RBFOX3: variants seen among roughly 807,000 people sequenced by gnomAD.
The protein encoded by RBFOX3 is RNA binding fox-1 homolog 3, also known as RNA binding protein fox-1 homolog 3.
A neutral mutation model predicts 48.7 loss-of-function variants in RBFOX3; 17 were observed. The ratio of observed to expected loss-of-function variants is 0.35; its 90% CI spans 0.24 to 0.52. RBFOX3 has a LOEUF of 0.52. RBFOX3 is among the 20% of genes least tolerant of loss of function. RBFOX3 has a pLI of 0.94. For missense variants in RBFOX3, 382 were observed against 497.5 expected, an observed-to-expected ratio of 0.77 and a Z score of 2.21; for synonymous variants, 212 against 209.5, an observed-to-expected ratio of 1.01 and a Z score of -0.10.
At position 79,486,319 on chromosome 17, in the gene RBFOX3, G is replaced by C. The variant is rs112428607; in HGVS notation, c.-319-3721C>G. ...GGGACAAAAGGGTCCAGTCTGTCTC[G>C]GGAGTGAGCTGTGTCCTCCTCATTC... On this transcript the variant is annotated intron_variant, in intron 1 of 14. Coordinates refer to ENST00000693108, the MANE Select transcript of RBFOX3 (RefSeq NM_001350451.2). Among the ~76,000 whole-genome samples the C allele has an allele frequency of 6.8e-3, 1,035 of 152,274 alleles. 5 individuals are homozygous for C. Among genetic ancestry groups the C allele is most frequent in the African/African-American group, 0.024 (981 of 41,552 alleles).
At chr17:79,382,028 G>A (rs958454615) in intron 2 of RBFOX3, among the ~76,000 whole-genome samples, 1 of 152,194 alleles carries the variant, frequency 6.6e-6, no homozygotes, top group African/African-American at 2.4e-5. Flanking sequence ...CGCCAACAGA[G>A]CCCCCCAGGG....
chr17:79,579,678 A>G (rs2092982581), intron 1 of RBFOX3, among the ~76,000 whole-genome samples: 1 of 151,520 alleles, frequency 6.6e-6, no homozygotes, highest in Non-Finnish European at 1.5e-5. Flanking sequence ...ATCCACTGAG[A>G]CTCGGCACCA....
chr17:79,136,488 G>A (rs958581688), intron 4 of RBFOX3: 1 of 152,660 alleles, frequency 6.6e-6, no homozygotes, highest in Non-Finnish European at 1.5e-5. Context: ...ACCCCCCACC[G>A]GCCCCAGGCT....
At chr17:79,592,118 G>A (rs1437952230) in intron 1 of RBFOX3, among the ~76,000 whole-genome samples, 1 of 151,378 alleles carries the variant, frequency 6.6e-6, no homozygotes, top group African/African-American at 2.4e-5. Context: ...TGTAGTGTGT[G>A]TGGAATGTGA....
chr17:79,441,476 G>C (rs546273499), intron 2 of RBFOX3, among the ~76,000 whole-genome samples: 3 of 152,204 alleles, frequency 2.0e-5, no homozygotes, highest in Admixed American at 6.5e-5. Flanking sequence ...AGGTGGCCAC[G>C]TGAAGACAGA....
chr17:79,161,978 T>G (rs1020194893), intron 4 of RBFOX3, among the ~76,000 whole-genome samples: 1 of 152,116 alleles, frequency 6.6e-6, no homozygotes, highest in Non-Finnish European at 1.5e-5. Flanking sequence ...AGCGGGACTT[T>G]TGGGGGACAG....
intron 2 of RBFOX3, among the ~76,000 whole-genome samples, chr17:79,373,927 C>T (rs939167381): frequency 1.3e-5 from 2 of 152,130 alleles, no homozygotes; most frequent in South Asian, 2.1e-4. Flanking sequence ...GGCGCGATCT[C>T]GGCTCACTGC....
intron 4 of RBFOX3, among the ~76,000 whole-genome samples, chr17:79,217,834 G>C (rs1304183285): frequency 6.6e-6 from 1 of 152,162 alleles, no homozygotes. Context: ...CAGATGTTCA[G>C]ATTAACCTTG....
chr17:79,348,381 T>C (rs1270511457), intron 2 of RBFOX3, among the ~76,000 whole-genome samples: 1 of 152,050 alleles, frequency 6.6e-6, no homozygotes, highest in Non-Finnish European at 1.5e-5. Flanking sequence ...TATTCTCCCA[T>C]AGCTGTGTTT....
At chr17:79,463,431 CCGCCAT>C (rs1198967902) in intron 2 of RBFOX3, among the ~76,000 whole-genome samples, 1 of 142,852 alleles carries the variant, frequency 7.0e-6, no homozygotes, top group African/African-American at 2.6e-5. Flanking sequence ...GCCACTGCCA[CCGCCAT>C]CGCCACTGCC....
chr17:79,304,939 T>A (rs1290857037), intron 3 of RBFOX3, among the ~76,000 whole-genome samples: 1 of 152,078 alleles, frequency 6.6e-6, no homozygotes, highest in African/African-American at 2.4e-5. Flanking sequence ...CTCCTTCACT[T>A]GGCCCCTCCC....
intron 4 of RBFOX3, among the ~76,000 whole-genome samples, chr17:79,151,176 G>A (rs561879965): frequency 1.3e-5 from 2 of 152,080 alleles, no homozygotes; most frequent in Admixed American, 1.3e-4. Flanking sequence ...CAACAAAGCC[G>A]GCATCAGACC....
chr17:79,194,785 G>A (rs1047100842), intron 4 of RBFOX3, among the ~76,000 whole-genome samples: 6 of 134,556 alleles, frequency 4.5e-5, no homozygotes, highest in Admixed American at 2.2e-4. Flanking sequence ...TGTGTGAAAT[G>A]CACATGGGAT....
intron 1 of RBFOX3, among the ~76,000 whole-genome samples, chr17:79,483,573 C>T (rs1317406425): frequency 6.7e-6 from 1 of 148,346 alleles, no homozygotes; most frequent in African/African-American, 2.5e-5. Flanking sequence ...TTTCCTTCTC[C>T]TTTTCCCCAC....
chr17:79,486,629 GA>G (rs1248919301), intron 1 of RBFOX3, among the ~76,000 whole-genome samples: 1 of 152,114 alleles, frequency 6.6e-6, no homozygotes, highest in Non-Finnish European at 1.5e-5. Flanking sequence ...TTGCTTTAAT[GA>G]CAGGGCCCCC....
chr17:79,583,100 G>A (rs1386344768), intron 1 of RBFOX3, among the ~76,000 whole-genome samples: 4 of 152,214 alleles, frequency 2.6e-5, no homozygotes, highest in African/African-American at 9.6e-5. Flanking sequence ...AACAAGCAAT[G>A]AAAGCCGTAC....
chr17:79,470,635 G>A (rs2076949167), intron 2 of RBFOX3, among the ~76,000 whole-genome samples: 1 of 152,164 alleles, frequency 6.6e-6, no homozygotes, highest in Non-Finnish European at 1.5e-5. Context: ...AGATGAGGGT[G>A]GCTGGCCACA....
At chr17:79,529,780 C>T (rs1284327635) in intron 1 of RBFOX3, among the ~76,000 whole-genome samples, 7 of 152,318 alleles carry the variant, frequency 4.6e-5, no homozygotes, top group Middle Eastern at 3.4e-3. Flanking sequence ...ATCCTGCCCC[C>T]GTCCCCTGAG....
At chr17:79,106,928 T>G in intron 5 of RBFOX3, 140 bp from the exon 6 acceptor site, 1 of 1,181,358 alleles carries the variant, frequency 8.5e-7, no homozygotes, top group Non-Finnish European at 1.1e-6. Context: ...GCTGGGATCC[T>G]TGGCAGAATC....
Sources: allele counts gnomAD v4.1 joint callset (sites outside exome capture counted in the v4.1 genomes callset), GRCh38; gene constraint gnomAD v4.1.1; transcripts MANE v1.5; gene names NCBI Gene and HGNC (gene_info 2026-07-23, HGNC 2026-07-21).